RNLS: variants seen among roughly 807,000 people sequenced by gnomAD.
The protein encoded by RNLS is renalase, FAD dependent amine oxidase.
A neutral mutation model predicts 39.8 loss-of-function variants in RNLS; 39 were observed. The ratio of observed to expected loss-of-function variants is 0.98; its 90% CI spans 0.76 to 1.28. RNLS has a LOEUF of 1.28. RNLS is among the 50% of genes most tolerant of loss of function. RNLS has a pLI of 0.00. For missense variants in RNLS, 410 were observed against 413.3 expected (o/e 0.99, Z 0.07); for synonymous variants, 147 against 150.7 (o/e 0.98, Z 0.18).
At chr10:88,508,833 A>G (rs1332526832) in intron 4 of RNLS, among the ~76,000 whole-genome samples, 1 of 152,142 alleles carries the variant, frequency 6.6e-6, no homozygotes, top group Non-Finnish European at 1.5e-5. Flanking sequence ...AAACATTAGC[A>G]CCAATAATGT....
chr10:88,213,075 G>T, the RNLS span, among the ~76,000 whole-genome samples: 2 of 152,156 alleles, frequency 1.3e-5, no homozygotes, highest in African/African-American at 2.4e-5. Flanking sequence ...TACCCTGCCA[G>T]GAATGGGCAC....
intron 4 of RNLS, among the ~76,000 whole-genome samples, chr10:88,549,923 A>C (rs1848528534): frequency 6.6e-6 from 1 of 152,210 alleles, no homozygotes; most frequent in Admixed American, 6.5e-5. Context: ...TGCTCCACTT[A>C]ATACTAAACT....
At chr10:88,325,275 A>G (rs765687592) in intron 5 of RNLS, among the ~76,000 whole-genome samples, 1 of 152,142 alleles carries the variant, frequency 6.6e-6, no homozygotes, top group South Asian at 2.1e-4. Flanking sequence ...AAGGGTTCCA[A>G]TTTCTCCACA....
At chr10:88,561,840 A>C (rs749930093) in intron 4 of RNLS, among the ~76,000 whole-genome samples, 12 of 152,190 alleles carry the variant, frequency 7.9e-5, no homozygotes, top group Admixed American at 2.0e-4. Flanking sequence ...CTCATAAAAA[A>C]CAAATAATCC....
chr10:88,403,756 C>G (rs575388992), intron 4 of RNLS, among the ~76,000 whole-genome samples: 1 of 151,866 alleles, frequency 6.6e-6, no homozygotes, highest in East Asian at 1.9e-4. Flanking sequence ...ACAGGATGGG[C>G]TGTGCCTGGG....
Position 88,344,331 on chromosome 10 carries a change from T to C in RNLS, c.700+18221A>G, listed in dbSNP as rs142924153. Among the ~76,000 whole-genome samples the C allele has an allele frequency of 1.8e-4, 28 of 152,224 alleles. 1 individual carries two copies. The East Asian group carries it at 5.4e-3, about 29-fold the overall frequency. On this transcript the variant is annotated intron_variant, in intron 5 of 6. Coordinates refer to ENST00000331772, the MANE Select transcript of RNLS (RefSeq NM_001031709.3). ...ATTATAAAATGCTGAATTTGAAAAA[T>C]TGAGACTAAGCAGATGGTGAAATTT...
chr10:88,288,930 C>T (rs1386978967), intron 6 of RNLS, among the ~76,000 whole-genome samples: 3 of 152,168 alleles, frequency 2.0e-5, no homozygotes, highest in South Asian at 2.1e-4. Flanking sequence ...CACAATCTCA[C>T]AATAATGCAG....
intron 5 of RNLS, among the ~76,000 whole-genome samples, chr10:88,341,771 A>G (rs1847975468): frequency 1.3e-5 from 2 of 152,176 alleles, no homozygotes; most frequent in African/African-American, 4.8e-5. Context: ...GCTTAAATGT[A>G]CTAAATTGTA....
At chr10:88,567,448 T>C (rs550778172) in intron 4 of RNLS, among the ~76,000 whole-genome samples, 14 of 152,324 alleles carry the variant, frequency 9.2e-5, no homozygotes, top group South Asian at 6.2e-4. Context: ...TTTTAAATAT[T>C]GGAGTATGTA....
At chr10:88,250,793 C>A in the RNLS span, among the ~76,000 whole-genome samples, 2 of 152,208 alleles carry the variant, frequency 1.3e-5, no homozygotes, top group Non-Finnish European at 2.9e-5. Context: ...CAGATAACTT[C>A]ATTAACTCAA....
intron 6 of RNLS, among the ~76,000 whole-genome samples, chr10:88,275,463 T>G (rs1216425406): frequency 6.6e-6 from 1 of 152,206 alleles, no homozygotes; most frequent in Non-Finnish European, 1.5e-5. Flanking sequence ...GCAAACATAT[T>G]TATTGCAACA....
downstream of RNLS, among the ~76,000 whole-genome samples, chr10:88,273,106 G>C (rs1436871420): frequency 6.6e-6 from 1 of 152,116 alleles, no homozygotes; most frequent in African/African-American, 2.4e-5. Flanking sequence ...AACATTTTGG[G>C]CTGGCAGAAA....
At chr10:88,191,244 G>T in the RNLS span, among the ~76,000 whole-genome samples, 2 of 152,274 alleles carry the variant, frequency 1.3e-5, no homozygotes, top group East Asian at 1.9e-4. Flanking sequence ...GATGCGCATT[G>T]TATAGGGTGT....
At chr10:88,443,032 C>T (rs2133857365) in intron 4 of RNLS, among the ~76,000 whole-genome samples, 1 of 152,332 alleles carries the variant, frequency 6.6e-6, no homozygotes, top group South Asian at 2.1e-4. Flanking sequence ...ACTTCAGTCT[C>T]ATTTTCCCTC....
intron 4 of RNLS, among the ~76,000 whole-genome samples, chr10:88,537,464 C>G (rs1847820110): frequency 6.6e-6 from 1 of 152,120 alleles, no homozygotes; most frequent in South Asian, 2.1e-4. Flanking sequence ...AAATGCCCAC[C>G]AAGGGTGAAA....
intron 4 of RNLS, among the ~76,000 whole-genome samples, chr10:88,364,190 A>C (rs1849861599): frequency 1.3e-5 from 2 of 152,168 alleles, no homozygotes; most frequent in Non-Finnish European, 2.9e-5. Context: ...GCTCATTCAG[A>C]CATGGAACAT....
At chr10:88,303,211 G>GCT (rs1844658650) in intron 6 of RNLS, among the ~76,000 whole-genome samples, 1 of 152,210 alleles carries the variant, frequency 6.6e-6, no homozygotes, top group Admixed American at 6.5e-5. Flanking sequence ...TAGAGAAGAG[G>GCT]TAGGGGCAGC....
chr10:88,294,272 A>G (rs1034870086), intron 6 of RNLS, among the ~76,000 whole-genome samples: 2 of 152,212 alleles, frequency 1.3e-5, no homozygotes, highest in Non-Finnish European at 2.9e-5. Flanking sequence ...ACCAGAACTT[A>G]TTCTGATGTC....
chr10:88,314,505 C>CT lies in RNLS; in HGVS notation c.836dup (p.Pro280AlafsTer46), dbSNP rs1249226605. The CT allele has an allele frequency of 6.8e-6, 11 of 1,613,808 alleles. No individual in the cohort carries two copies. The Admixed American group carries it at 1.8e-4, about 27-fold the overall frequency. The stretch of plus-strand genomic sequence containing the variant: ...ATTTTTGGCATTTGGTAGCAATTGG[C>CT]TGAGGCAAACCCGGCAAAATGTTTT... On this transcript the variant is annotated frameshift_variant, in exon 6 of 7. Transcript: ENST00000331772. LOFTEE classifies it high-confidence loss of function.
Sources: allele counts gnomAD v4.1 joint callset (sites outside exome capture counted in the v4.1 genomes callset), GRCh38; gene constraint gnomAD v4.1.1; transcripts MANE v1.5; gene names NCBI Gene and HGNC (gene_info 2026-07-23, HGNC 2026-07-21).